Variants in BBOF1 observed in about 807,000 individuals in gnomAD.
BBOF1 encodes the protein basal body orientation factor 1.
Under a neutral mutation model 68.0 loss-of-function variants are expected in BBOF1, and 62 were observed. The observed-to-expected ratio is 0.91, with a 90% CI of 0.74 to 1.13. The LOEUF (loss-of-function observed/expected upper bound fraction) is 1.13. BBOF1 is among the 50% of genes most tolerant of loss of function. The probability of loss-of-function intolerance (pLI) is 0.00; values close to 1 mark genes in which losing one functional copy is unlikely to be tolerated. For missense variants in BBOF1, 534 were observed against 600.1 expected, an observed-to-expected ratio of 0.89 and a Z score of 1.15; for synonymous variants, 208 against 198.8, an observed-to-expected ratio of 1.05 and a Z score of -0.39.
intron 3 of BBOF1, among the ~76,000 whole-genome samples, chr14:74,033,148 A>G (rs2059615353): frequency 6.6e-6 from 1 of 152,222 alleles, no homozygotes; most frequent in African/African-American, 2.4e-5. Flanking sequence ...AAGGTGTGTT[A>G]GGTCTTCTCA....
chr14:74,070,394 C>G (rs769711540), downstream of BBOF1, among the ~76,000 whole-genome samples: 5 of 152,026 alleles, frequency 3.3e-5, no homozygotes, highest in Non-Finnish European at 7.4e-5. Context: ...TGGCGCATGC[C>G]TGTAATCCCA....
chr14:74,076,502 T>C (rs1228582518), intron 9 of BBOF1, among the ~76,000 whole-genome samples: 1 of 151,798 alleles, frequency 6.6e-6, no homozygotes, highest in Non-Finnish European at 1.5e-5. Flanking sequence ...GCTCAGATTA[T>C]AGGTGTCTGC....
chr14:74,044,022 G>T (rs2059894336), intron 5 of BBOF1, among the ~76,000 whole-genome samples: 1 of 151,908 alleles, frequency 6.6e-6, no homozygotes, highest in East Asian at 2.0e-4. Context: ...AAGGCCGGCG[G>T]ATCACTTGAG....
intron 2 of BBOF1, among the ~76,000 whole-genome samples, chr14:74,028,864 A>G (rs1416198816): frequency 6.6e-6 from 1 of 151,942 alleles, no homozygotes; most frequent in African/African-American, 2.4e-5. Flanking sequence ...ATGTGCCACC[A>G]CGCCTGGCTA....
In BBOF1 at chr14:74,073,655, G is replaced by A. The variant is rs116613045; in HGVS notation, n.1380-4541G>A. On this transcript the variant is annotated intron_variant and non_coding_transcript_variant, in intron 9 of 12. Coordinates refer to the BBOF1 transcript ENST00000492026. The stretch of plus-strand genomic sequence containing the variant: ...ATTTTTGGCTGGGCAAATGGCTCAC[G>A]CCTGTAATCCCAGCACTTTGGGAGG... 7.1e-4 allele frequency among the ~76,000 whole-genome samples: 108 copies of A among 151,404 alleles called. 1 individual carries two copies. The highest frequency in any genetic ancestry group is 2.5e-3 in the African/African-American group (103 of 41,366).
At chr14:74,019,617 G>T (rs2059205540) in intron 1 of BBOF1, 83 bp downstream of exon 1, 5 of 1,534,948 alleles carry the variant, frequency 3.3e-6, no homozygotes, top group Middle Eastern at 3.4e-4. Flanking sequence ...GGCGCCCCCC[G>T]CGCCGGCCCA....
At chr14:74,071,587 T>A in intron 9 of BBOF1, 2 of 1,606,800 alleles carry the variant, frequency 1.2e-6, no homozygotes, top group Non-Finnish European at 1.7e-6. Context: ...CAGGAAGTGG[T>A]TCAGGCCAAT....
chr14:74,057,976 A>G (rs1461210886), intron 11 of BBOF1: 1 of 852,602 alleles, frequency 1.2e-6, no homozygotes, highest in Non-Finnish European at 1.4e-6. Flanking sequence ...TCCACTTGGA[A>G]TATAGACAAT....
In BBOF1 at chr14:74,060,771, G is replaced by T. The variant is rs1474692155; in HGVS notation, c.1578+3513G>T. ...CCTAAGGAAAACAGAAAAAAAGTTA[G>T]CATATATTTCTGGGGTTTCATGATT... On this transcript the variant is annotated intron_variant, in intron 11 of 11. Transcript: ENST00000394009. The T allele has an allele frequency of 2.0e-6, 3 of 1,514,762 alleles. No homozygotes were observed. The Admixed American group carries it at 5.0e-5, about 25-fold the overall frequency. The allele number at this position is 1,514,762 out of a possible 1,614,324, so 93.8% of individuals were successfully genotyped here. A position where few individuals can be genotyped will look rare whatever the true frequency, so the allele number is the denominator to read the frequency against.
intron 4 of BBOF1, among the ~76,000 whole-genome samples, chr14:74,036,138 C>T (rs1389566869): frequency 2.7e-5 from 4 of 147,356 alleles, no homozygotes; most frequent in Admixed American, 1.3e-4. Context: ...TCACTGCAAC[C>T]TCCACCTCCT....
intron 3 of BBOF1, among the ~76,000 whole-genome samples, chr14:74,032,063 C>T (rs547759211): frequency 6.6e-6 from 1 of 151,042 alleles, no homozygotes; most frequent in Non-Finnish European, 1.5e-5. Flanking sequence ...ACTAGCCATG[C>T]ATGAGATTGC....
downstream of BBOF1, chr14:74,070,579 T>G (rs960504530): frequency 6.4e-6 from 1 of 155,386 alleles, no homozygotes; most frequent in Admixed American, 6.3e-5. Flanking sequence ...TCAGACACTA[T>G]TGTGTTCTCA....
chr14:74,072,437 G>A, intron 9 of BBOF1: 1 of 1,612,934 alleles, frequency 6.2e-7, no homozygotes, highest in Non-Finnish European at 8.5e-7. Flanking sequence ...CACAGAAGTG[G>A]CACTATGTGC....
At position 74,037,399 on chromosome 14, in the gene BBOF1, C is replaced by A. The variant is rs1214995875; in HGVS notation, c.496-3166C>A. 1.3e-4 allele frequency among the ~76,000 whole-genome samples: 19 copies of A among 147,122 alleles called. No homozygotes were observed. In the Admixed American group the frequency reaches 1.3e-3, roughly 10 times the overall value. On this transcript the variant is annotated intron_variant, in intron 4 of 11. Coordinates refer to ENST00000394009, the MANE Select transcript of BBOF1 (RefSeq NM_025057.3). The stretch of plus-strand genomic sequence containing the variant: ...CTCTACTTCCCTGGGCTCAAGTGAT[C>A]CTCTTATTTCAGGCTCCTGAGTAGC...
At chr14:74,057,920 C>T (rs2139702555) in intron 11 of BBOF1, 1 of 992,348 alleles carries the variant, frequency 1.0e-6, no homozygotes, top group East Asian at 1.1e-4. Flanking sequence ...AGTGATTTCC[C>T]TTAAATATAA....
At chr14:74,037,542 G>C (rs1251321447) in intron 4 of BBOF1, among the ~76,000 whole-genome samples, 1 of 148,482 alleles carries the variant, frequency 6.7e-6, no homozygotes. Context: ...TGCCTGCCTG[G>C]GCCTCACAAA....
In BBOF1 at chr14:74,079,152, C is replaced by T. The variant is rs575764056; in HGVS notation, n.1536+800C>T. ...GATACCCACGTAATTATCTTTACCA[C>T]ATCTCTATTTGGATGTTACTTGGGC... On this transcript the variant is annotated intron_variant and non_coding_transcript_variant, in intron 10 of 12. Transcript: ENST00000492026. 2.0e-5 allele frequency among the ~76,000 whole-genome samples: 3 copies of T among 151,818 alleles called. No individual in the cohort carries two copies. In the East Asian group the frequency reaches 5.8e-4, roughly 29 times the overall value.
At chr14:74,073,956 T>C in intron 9 of BBOF1, among the ~76,000 whole-genome samples, 1 of 150,620 alleles carries the variant, frequency 6.6e-6, no homozygotes, top group East Asian at 1.9e-4. Flanking sequence ...TGTTTCTATG[T>C]ATTTTTTTCT....
At chr14:74,067,918 C>G (rs2060493869), downstream of BBOF1, among the ~76,000 whole-genome samples, 1 of 151,012 alleles carries the variant, frequency 6.6e-6, no homozygotes, top group African/African-American at 2.4e-5. Context: ...GAGTGAGACC[C>G]CTGTCTCAAA....
Sources: gnomAD v4.1 joint callset for allele counts (sites outside exome capture counted in the v4.1 genomes callset) on GRCh38, gnomAD v4.1.1 for gene constraint, MANE v1.5 for transcripts, NCBI Gene and HGNC (gene_info 2026-07-23, HGNC 2026-07-21) for gene names.